Variants in MAP2K5 observed in about 807,000 individuals in gnomAD.
The protein encoded by MAP2K5 is mitogen-activated protein kinase kinase 5, also known as dual specificity mitogen-activated protein kinase kinase 5.
MAP2K5 carries 49 observed loss-of-function variants against 83.1 expected under a neutral mutation model. The observed-to-expected ratio is 0.59, with a 90% CI of 0.47 to 0.75. The LOEUF (loss-of-function observed/expected upper bound fraction) is 0.75. MAP2K5 is among the 30% of genes least tolerant of loss of function. The pLI is 0.00. For missense variants in MAP2K5, 457 were observed against 557.5 expected, an observed-to-expected ratio of 0.82 and a Z score of 1.82; for synonymous variants, 202 against 191.8, an observed-to-expected ratio of 1.05 and a Z score of -0.44.
intron 21 of MAP2K5, 99 bp downstream of exon 21, chr15:67,772,851 C>A: frequency 3.4e-6 from 3 of 890,012 alleles, no homozygotes; most frequent in Non-Finnish European, 5.0e-6. Flanking sequence ...CAGCCATAGG[C>A]TCTGAAAAGG....
At chr15:67,805,613 C>G (rs752725021) in intron 21 of MAP2K5, among the ~76,000 whole-genome samples, 1 of 152,018 alleles carries the variant, frequency 6.6e-6, no homozygotes, top group Non-Finnish European at 1.5e-5. Context: ...CTGGGGGGAG[C>G]GAGGAAGCGG....
chr15:67,702,402 A>G lies in MAP2K5; in HGVS notation c.973-935A>G, dbSNP rs1203478706. Among the ~76,000 whole-genome samples the G allele has an allele frequency of 6.6e-6, 1 of 152,186 alleles. No homozygotes were observed. Among genetic ancestry groups the G allele is most frequent in the Non-Finnish European group, 1.5e-5 (1 of 68,030 alleles). On this transcript the variant is annotated intron_variant, in intron 15 of 21. Transcript: ENST00000178640. This position sits in a 1 kb window ranked among gnomAD's most constrained non-coding sequence, Gnocchi z 4.6. ...TAGCCGGCTAGCCAGTTCCATATGA[A>G]TACATCCTGGTATCTATTGAATTGG...
At chr15:67,666,255 G>C (rs1230993984) in intron 13 of MAP2K5, among the ~76,000 whole-genome samples, 1 of 152,144 alleles carries the variant, frequency 6.6e-6, no homozygotes, top group African/African-American at 2.4e-5. Flanking sequence ...GTAGCACAAA[G>C]AACTATAGTG....
rs1214418106 is a variant in MAP2K5 at position 67,690,381 on chromosome 15, A to C, written c.848-2098A>C. 6.6e-6 allele frequency among the ~76,000 whole-genome samples: 1 copy of C among 152,160 alleles called. No individual in the cohort carries two copies. The highest frequency in any genetic ancestry group is 2.4e-5 in the African/African-American group (1 of 41,446). On this transcript the variant is annotated intron_variant, in intron 13 of 21. Coordinates refer to ENST00000178640, the MANE Select transcript of MAP2K5 (RefSeq NM_145160.3). The surrounding 1 kb of genome is among the most constrained non-coding windows in gnomAD (Gnocchi z 4.3). ...TGGTTGGTGGGGGGCATGTCAGAGA[A>C]TACTTAACCTCCTCCTTAAGGAGAC...
At chr15:67,591,172 C>T (rs891997473) in intron 6 of MAP2K5, among the ~76,000 whole-genome samples, 2 of 151,870 alleles carry the variant, frequency 1.3e-5, no homozygotes, top group Non-Finnish European at 2.9e-5. Flanking sequence ...TGGTGAAACC[C>T]TGTCTTCGCT....
At chr15:67,709,242 G>A (rs910395722) in intron 16 of MAP2K5, among the ~76,000 whole-genome samples, 3 of 152,186 alleles carry the variant, frequency 2.0e-5, no homozygotes, top group African/African-American at 7.2e-5. Context: ...GTGTGGAACT[G>A]TAGTTCTTTC....
intron 13 of MAP2K5, among the ~76,000 whole-genome samples, chr15:67,682,448 C>T (rs542621579): frequency 9.9e-5 from 15 of 151,964 alleles, no homozygotes; most frequent in Non-Finnish European, 2.1e-4. Flanking sequence ...TCATTTCGAT[C>T]TCCTGATCTC....
chr15:67,574,196 C>T (rs537430428), intron 3 of MAP2K5, among the ~76,000 whole-genome samples: 1 of 152,308 alleles, frequency 6.6e-6, no homozygotes, highest in African/African-American at 2.4e-5. Flanking sequence ...ACTTAGGGGG[C>T]TGTTCCTTGT....
At chr15:67,579,720 G>A (rs1255731314) in intron 3 of MAP2K5, among the ~76,000 whole-genome samples, 1 of 150,102 alleles carries the variant, frequency 6.7e-6, no homozygotes, top group Admixed American at 6.6e-5. Flanking sequence ...CCTTGCTCTT[G>A]TAATAATTTT....
intron 13 of MAP2K5, among the ~76,000 whole-genome samples, chr15:67,667,951 C>T (rs999750037): frequency 2.0e-5 from 3 of 152,074 alleles, no homozygotes; most frequent in East Asian, 3.8e-4. Flanking sequence ...CAATAAGCAG[C>T]GGCAAACCAC....
chr15:67,579,466 G>A (rs2085132265), intron 3 of MAP2K5, among the ~76,000 whole-genome samples: 1 of 152,156 alleles, frequency 6.6e-6, no homozygotes, highest in African/African-American at 2.4e-5. Context: ...ATTCCAGAGA[G>A]TGTTTCACAT....
At chr15:67,735,346 A>G (rs528926315) in intron 17 of MAP2K5, among the ~76,000 whole-genome samples, 9 of 152,210 alleles carry the variant, frequency 5.9e-5, no homozygotes, top group Non-Finnish European at 1.3e-4. Flanking sequence ...AGATATCTGT[A>G]TTTGGCCAGT....
rs887051100 is a variant in MAP2K5, at chr15:67,794,417, T to TA, written c.1243-12223dup. 7.9e-5 allele frequency among the ~76,000 whole-genome samples: 12 copies of TA among 152,128 alleles called. No individual in the cohort carries two copies. Among genetic ancestry groups the TA allele is most frequent in the Non-Finnish European group, 1.5e-5 (1 of 68,016 alleles). ...CTTCCTTTTTGTGCATTTCCTTTTTTAAAAAAGGAGGGGTCTGTTTCAGAT... is the reference window on the plus strand; with the variant it reads ...CTTCCTTTTTGTGCATTTCCTTTTTTAAAAAAAGGAGGGGTCTGTTTCAGAT... On this transcript the variant is annotated intron_variant, in intron 21 of 21. Transcript: ENST00000178640. This position sits in a 1 kb window ranked among gnomAD's most constrained non-coding sequence, Gnocchi z 4.6.
chr15:67,702,671 G>A lies in MAP2K5; in HGVS notation c.973-666G>A, dbSNP rs1318402301. Among the ~76,000 whole-genome samples the A allele has an allele frequency of 6.6e-6, 1 of 152,118 alleles. No homozygotes were observed. The highest frequency in any genetic ancestry group is 1.5e-5 in the Non-Finnish European group (1 of 68,022). On this transcript the variant is annotated intron_variant, in intron 15 of 21. Coordinates refer to ENST00000178640, the MANE Select transcript of MAP2K5 (RefSeq NM_145160.3). The surrounding 1 kb of genome is among the most constrained non-coding windows in gnomAD (Gnocchi z 4.6). Reference sequence around the variant, plus strand: ...GTGTTTATGTAGCCTCTTTTAGACCGGGTATTTGCTATACATCTTGAGTGG... The same window carrying A: ...GTGTTTATGTAGCCTCTTTTAGACCAGGTATTTGCTATACATCTTGAGTGG...
At position 67,748,286 on chromosome 15, in the gene MAP2K5, C is replaced by A; in HGVS notation, c.1101+29C>A. 1 of 1,579,332 alleles carries A rather than the reference C, an allele frequency of 6.3e-7. No individual in the cohort carries two copies. Among genetic ancestry groups the A allele is most frequent in the Non-Finnish European group, 8.7e-7 (1 of 1,151,000 alleles). On this transcript the variant is annotated intron_variant, in intron 18 of 21. Coordinates refer to ENST00000178640, the MANE Select transcript of MAP2K5 (RefSeq NM_145160.3). This position sits in a 1 kb window ranked among gnomAD's most constrained non-coding sequence, Gnocchi z 4.0. Reference sequence around the variant, plus strand: ...AGCTTTATGAGTTCAGAAAAAAATTCACTTTTCTTTTTCCTGATGGCTGCT... The same window carrying A: ...AGCTTTATGAGTTCAGAAAAAAATTAACTTTTCTTTTTCCTGATGGCTGCT...
At chr15:67,681,576 G>T (rs2087818221) in intron 13 of MAP2K5, among the ~76,000 whole-genome samples, 1 of 152,194 alleles carries the variant, frequency 6.6e-6, no homozygotes, top group Non-Finnish European at 1.5e-5. Context: ...ACTTTACATT[G>T]TGCCTTTATC....
In MAP2K5 at chr15:67,769,610, C is replaced by T. The variant is rs375362268; in HGVS notation, c.1143C>T (p.Pro381=). The change falls in exon 20 of 22, where the codon CCC becomes CCT. Residue 381 remains proline (P), a synonymous_variant. Coordinates refer to ENST00000178640, the MANE Select transcript of MAP2K5 (RefSeq NM_145160.3). The surrounding 1 kb of genome is among the most constrained non-coding windows in gnomAD (Gnocchi z 5.2). ...LLQCIVDEDS[P]VLPVGEFSEP... ...TTTTTCCTCCATCACAGGATTCGCC[C>T]GTCCTTCCAGTTGGAGAGTTCTCGG... The T allele has an allele frequency of 6.1e-5, 98 of 1,613,580 alleles. No individual in the cohort carries two copies. The highest frequency in any genetic ancestry group is 8.0e-5 in the African/African-American group (6 of 74,868).
chr15:67,756,743 T>A (rs1359224956), intron 19 of MAP2K5, among the ~76,000 whole-genome samples: 1 of 152,158 alleles, frequency 6.6e-6, no homozygotes, highest in East Asian at 1.9e-4. Flanking sequence ...CTACTATGAG[T>A]TCAGCTATTT....
At chr15:67,680,990 G>C (rs1157971766) in intron 13 of MAP2K5, among the ~76,000 whole-genome samples, 3 of 152,224 alleles carry the variant, frequency 2.0e-5, no homozygotes, top group South Asian at 2.1e-4. Flanking sequence ...TGATTTCCTA[G>C]AGTGGAAGTC....
Sources: allele counts gnomAD v4.1 joint callset (sites outside exome capture counted in the v4.1 genomes callset), GRCh38; gene constraint gnomAD v4.1.1; non-coding constraint Gnocchi (gnomAD v3.1); transcripts MANE v1.5; gene names NCBI Gene and HGNC (gene_info 2026-07-23, HGNC 2026-07-21).